Variants in CDK12 observed in about 807,000 individuals in gnomAD.
CDK12 encodes cyclin-dependent kinase 12.
CDK12 carries 17 observed loss-of-function variants against 133.8 expected under a neutral mutation model. The observed-to-expected ratio is 0.13, with a 90% CI of 0.09 to 0.19. The LOEUF (loss-of-function observed/expected upper bound fraction) is 0.19, where lower values mean the gene tolerates loss of function less well. Ranked by LOEUF, CDK12 falls within the 10% of genes least tolerant of loss-of-function variation. The pLI, the probability that CDK12 is intolerant of heterozygous loss-of-function variation, is 1.00. For synonymous variants in CDK12, 694 were observed against 683.6 expected (o/e 1.02, Z -0.24); for missense variants, 1,508 against 1,818.7 (o/e 0.83, Z 3.11).
rs879840168 is a variant in CDK12, at chr17:39,476,711, CTT to C, written c.1931+4976_1931+4977del. Among the ~76,000 whole-genome samples the C allele has an allele frequency of 3.9e-3, 329 of 84,424 alleles. 26 individuals are homozygous for C. The highest frequency in any genetic ancestry group is 0.015 in the African/African-American group (254 of 17,480). The allele number at this position is 84,424 out of a possible 152,430, so 55.4% of individuals were successfully genotyped here. A position where few individuals can be genotyped will look rare whatever the true frequency, so the allele number is the denominator to read the frequency against. ...TACAGGCATGAGCCACCATGCCTGC[CTT>C]TTTTTTTTTTTTTTTTTTTTTTTTT... On this transcript the variant is annotated intron_variant, in intron 2 of 13. Coordinates refer to ENST00000447079, the MANE Select transcript of CDK12 (RefSeq NM_016507.4).
At chr17:39,511,813 A>G (rs2053522608) in intron 8 of CDK12, among the ~76,000 whole-genome samples, 183 bp downstream of exon 8, 1 of 152,132 alleles carries the variant, frequency 6.6e-6, no homozygotes. Flanking sequence ...TTTTTTTAAA[A>G]AACAGATTTC....
chr17:39,483,080 T>G (rs2050849517), intron 2 of CDK12, among the ~76,000 whole-genome samples: 1 of 151,832 alleles, frequency 6.6e-6, no homozygotes, highest in African/African-American at 2.4e-5. Context: ...GCCTGGCTAA[T>G]TTTTGTATTT....
chr17:39,514,600 C>G (rs1413378265), intron 8 of CDK12, among the ~76,000 whole-genome samples: 1 of 152,102 alleles, frequency 6.6e-6, no homozygotes, highest in Admixed American at 6.6e-5. Context: ...CTAGGCCTCC[C>G]AAAGTGCTGG....
At chr17:39,516,016 C>G (rs1475176417) in intron 9 of CDK12, among the ~76,000 whole-genome samples, 5 of 152,190 alleles carry the variant, frequency 3.3e-5, no homozygotes, top group Non-Finnish European at 7.3e-5. Context: ...TCTTACTTTG[C>G]ATATTTTTTA....
At chr17:39,491,694 T>C (rs1263968014) in intron 3 of CDK12, among the ~76,000 whole-genome samples, 1 of 151,438 alleles carries the variant, frequency 6.6e-6, no homozygotes, top group Admixed American at 6.6e-5. Context: ...TGAGAGACTG[T>C]TTATGTATTT....
rs1177536134 is a variant in CDK12 at position 39,492,841 on chromosome 17, T to C, written c.2199T>C (p.Ile733=). The C allele has an allele frequency of 6.2e-7, 1 of 1,613,518 alleles. No individual in the cohort carries two copies. Among genetic ancestry groups the C allele is most frequent in the Admixed American group, 1.7e-5 (1 of 59,924 alleles). Residue 733 remains isoleucine (I), a synonymous_variant, in exon 4 of 14, where the codon ATT becomes ATC. Transcript: ENST00000447079. ...ACAAGTTTGACATTATTGGGATTAT[T>C]GGAGAAGGAACCTATGGCCAAGTAT... ...CVDKFDIIGI[I]GEGTYGQVYK...
intron 3 of CDK12, among the ~76,000 whole-genome samples, chr17:39,564,194 T>A (rs1305899810): frequency 2.0e-5 from 3 of 152,138 alleles, no homozygotes; most frequent in Admixed American, 1.3e-4. Context: ...ATAGGTCACT[T>A]TAGGACCAAG....
chr17:39,498,032 C>G (rs990615699), intron 5 of CDK12, among the ~76,000 whole-genome samples: 1 of 148,844 alleles, frequency 6.7e-6, no homozygotes, highest in Non-Finnish European at 1.5e-5. Flanking sequence ...GGGACAGAGT[C>G]TTGCTCTCTC....
At chr17:39,544,097 G>A, upstream of CDK12, 2 of 420,572 alleles carry the variant, frequency 4.8e-6, no homozygotes, top group Admixed American at 2.5e-5. Flanking sequence ...GAATCCTTCT[G>A]GGGAATTCAG....
intron 3 of CDK12, among the ~76,000 whole-genome samples, chr17:39,563,258 AGT>A (rs138499137): frequency 2.0e-5 from 3 of 151,486 alleles, no homozygotes; most frequent in Non-Finnish European, 4.4e-5. Flanking sequence ...TGGCTGGGAG[AGT>A]GTGTGTGTGT....
intron 2 of CDK12, among the ~76,000 whole-genome samples, chr17:39,479,713 G>A (rs992892128): frequency 1.3e-5 from 2 of 149,948 alleles, no homozygotes; most frequent in South Asian, 2.1e-4. Flanking sequence ...TGTAATCTCC[G>A]CCTCTCGGGT....
At chr17:39,544,328 C>G (rs2055565101), upstream of CDK12, 1 of 489,466 alleles carries the variant, frequency 2.0e-6, no homozygotes, top group South Asian at 1.5e-5. Flanking sequence ...CTGGCAAATT[C>G]AGTCTCTTTC....
In CDK12 at chr17:39,481,894, G is replaced by C. The variant is rs2050740509; in HGVS notation, c.1932-8663G>C. ...CGCCACCATGCCTGGCTAATTTTTT[G>C]TATCCTTAGTAGAGATGGGGTTTCA... On this transcript the variant is annotated intron_variant, in intron 2 of 13. Coordinates refer to ENST00000447079, the MANE Select transcript of CDK12 (RefSeq NM_016507.4). 2.7e-5 allele frequency among the ~76,000 whole-genome samples: 4 copies of C among 150,814 alleles called. 1 individual carries two copies. In the South Asian group the frequency reaches 8.4e-4, roughly 32 times the overall value.
intron 2 of CDK12, among the ~76,000 whole-genome samples, chr17:39,474,145 A>G (rs764363278): frequency 1.2e-4 from 18 of 152,178 alleles, no homozygotes; most frequent in Non-Finnish European, 2.5e-4. Context: ...GTGACATGTG[A>G]TGGCAGTCTT....
chr17:39,470,135 ATTTT>A (rs760342647), intron 1 of CDK12, among the ~76,000 whole-genome samples: 1 of 139,682 alleles, frequency 7.2e-6, no homozygotes, highest in East Asian at 2.1e-4. Flanking sequence ...AGTTTAATCT[ATTTT>A]TTTTTTTTTT....
intron 8 of CDK12, among the ~76,000 whole-genome samples, chr17:39,515,525 A>G (rs2053748808): frequency 6.6e-6 from 1 of 152,216 alleles, no homozygotes; most frequent in Non-Finnish European, 1.5e-5. Flanking sequence ...ATAGGTGGCA[A>G]AAGTTTGATC....
In CDK12 at chr17:39,482,878, A is replaced by G. The variant is rs1031027994; in HGVS notation, c.1932-7679A>G. ...CAGCCTTTCAAAGTGCTGGGATTACAGGTGAGAGCCACTATGCCTGCCTCA... is the reference window on the plus strand; with the variant it reads ...CAGCCTTTCAAAGTGCTGGGATTACGGGTGAGAGCCACTATGCCTGCCTCA... On this transcript the variant is annotated intron_variant, in intron 2 of 13. Coordinates refer to ENST00000447079, the MANE Select transcript of CDK12 (RefSeq NM_016507.4). 1.6e-4 allele frequency among the ~76,000 whole-genome samples: 24 copies of G among 150,008 alleles called. 1 individual carries two copies. Among genetic ancestry groups the G allele is most frequent in the African/African-American group, 4.2e-4 (17 of 40,762 alleles).
intron 3 of CDK12, among the ~76,000 whole-genome samples, chr17:39,560,477 A>G (rs2056334490): frequency 6.6e-6 from 1 of 152,242 alleles, no homozygotes; most frequent in Non-Finnish European, 1.5e-5. Context: ...TGGAAAATTG[A>G]GGCTCATGTT....
At chr17:39,530,400 C>A in intron 13 of CDK12, 1 of 597,108 alleles carries the variant, frequency 1.7e-6, no homozygotes, top group Non-Finnish European at 2.7e-6. Context: ...TATTTTTACA[C>A]TAGCTGTTAG....
Sources: allele counts gnomAD v4.1 joint callset (sites outside exome capture counted in the v4.1 genomes callset), GRCh38; gene constraint gnomAD v4.1.1; transcripts MANE v1.5; gene names NCBI Gene and HGNC (gene_info 2026-07-23, HGNC 2026-07-21).